Variants in CRYBB2 observed in about 807,000 individuals in gnomAD.
CRYBB2 encodes beta-crystallin B2.
A neutral mutation model predicts 24.3 loss-of-function variants in CRYBB2; 12 were observed. That is an observed-to-expected ratio of 0.49 (90% CI 0.32 to 0.80). The LOEUF is 0.80. Among genes scored for constraint, CRYBB2 ranks in the 30% least tolerant of loss-of-function variants. The pLI is 0.04. For synonymous variants in CRYBB2, 98 were observed against 101.6 expected, an observed-to-expected ratio of 0.96 and a Z score of 0.21; for missense variants, 198 against 268.5, an observed-to-expected ratio of 0.74 and a Z score of 1.83.
At chr22:25,218,807 A>AG (rs1935260853), upstream of CRYBB2, among the ~76,000 whole-genome samples, 6 of 132,404 alleles carry the variant, frequency 4.5e-5, no homozygotes, top group South Asian at 2.9e-4. Context: ...AGAAAGAAAG[A>AG]AAGAAAGAAA....
chr22:25,231,518 C>A (rs1601424628), intron 5 of CRYBB2, 86 bp from the exon 6 acceptor site: 4 of 1,315,396 alleles, frequency 3.0e-6, no homozygotes, highest in Non-Finnish European at 4.4e-6. Context: ...CTTATGGATG[C>A]TCTATCTCTC....
At chr22:25,218,838 G>GAAAGAAAGAAAGAAAGAAAGAGAA, upstream of CRYBB2, among the ~76,000 whole-genome samples, 1 of 98,076 alleles carries the variant, frequency 1.0e-5, no homozygotes, top group South Asian at 4.2e-4. Flanking sequence ...AAGAAAGAAA[G>GAAAGAAAGAAAGAAAGAAAGAGAA]AGAAAGAAAG....
At chr22:25,218,786 G>GAGAGAA (rs1935254530), upstream of CRYBB2, among the ~76,000 whole-genome samples, 1 of 67,770 alleles carries the variant, frequency 1.5e-5, no homozygotes, top group Non-Finnish European at 2.7e-5. Flanking sequence ...AGAGAAGAAA[G>GAGAGAA]AAAGAAAGAA....
upstream of CRYBB2, chr22:25,219,397 G>A (rs1935282666): frequency 6.6e-6 from 1 of 152,320 alleles, no homozygotes; most frequent in Non-Finnish European, 1.5e-5. Flanking sequence ...CCGGACGGCT[G>A]ATGCATGCAA....
At chr22:25,230,301 C>T (rs5752085) in intron 5 of CRYBB2, among the ~76,000 whole-genome samples, 69,090 of 142,490 alleles carry the variant, frequency 0.48, 18,733 homozygotes, top group African/African-American at 0.73. Context: ...GGATTACAGG[C>T]GCCCACCACC....
chr22:25,224,068 G>A, intron 2 of CRYBB2, among the ~76,000 whole-genome samples: 1 of 150,716 alleles, frequency 6.6e-6, no homozygotes, highest in Non-Finnish European at 1.5e-5. Context: ...AGCTTGCAGT[G>A]AGCCGAGATC....
At chr22:25,219,933 C>T (rs1234632475) in intron 1 of CRYBB2, among the ~76,000 whole-genome samples, 1 of 152,128 alleles carries the variant, frequency 6.6e-6, no homozygotes, top group African/African-American at 2.4e-5. Flanking sequence ...ATTAAACAGA[C>T]TATCAGCATC....
upstream of CRYBB2, among the ~76,000 whole-genome samples, chr22:25,218,856 GAAA>G (rs1355557890): frequency 2.1e-5 from 3 of 145,640 alleles, no homozygotes; most frequent in Admixed American, 2.1e-4. Context: ...AAGAAAGAAA[GAAA>G]AGAAAGAGAA....
upstream of CRYBB2, among the ~76,000 whole-genome samples, chr22:25,218,700 G>A (rs1051959248): frequency 1.2e-4 from 6 of 49,638 alleles, no homozygotes; most frequent in Non-Finnish European, 1.9e-4. Flanking sequence ...AAGAGAGAGA[G>A]AGAGGGGGAG....
chr22:25,213,419 A>G (rs1343871994), intron 1 of CRYBB2: 1 of 152,220 alleles, frequency 6.6e-6, no homozygotes, highest in South Asian at 2.1e-4. Context: ...ACAGCCCCCA[A>G]TTCTTGGTGG....
At chr22:25,220,336 A>C (rs1173761963) in intron 1 of CRYBB2, among the ~76,000 whole-genome samples, 1 of 152,240 alleles carries the variant, frequency 6.6e-6, no homozygotes, top group Admixed American at 6.5e-5. Context: ...TTTATAGAAC[A>C]GGAAGTTGAG....
upstream of CRYBB2, among the ~76,000 whole-genome samples, chr22:25,218,799 AAAG>A (rs1339629022): frequency 7.6e-5 from 9 of 118,938 alleles, 1 homozygote; most frequent in Non-Finnish European, 8.6e-5. Flanking sequence ...AGAAAGAAAG[AAAG>A]AAAGAAAGAA....
At chr22:25,219,999 A>C (rs181117873) in intron 1 of CRYBB2, among the ~76,000 whole-genome samples, 38 of 152,214 alleles carry the variant, frequency 2.5e-4, no homozygotes, top group African/African-American at 8.9e-4. Context: ...GCAAGAATCA[A>C]ACCAGTGACA....
upstream of CRYBB2, among the ~76,000 whole-genome samples, chr22:25,211,693 C>T (rs1935107744): frequency 4.6e-5 from 7 of 152,200 alleles, no homozygotes; most frequent in South Asian, 1.4e-3. Context: ...GGATTACAGG[C>T]ATGAGCCACT....
At chr22:25,228,215 C>T (rs1230777932) in intron 4 of CRYBB2, among the ~76,000 whole-genome samples, 1 of 147,376 alleles carries the variant, frequency 6.8e-6, no homozygotes, top group Non-Finnish European at 1.5e-5. Context: ...TATCTACTGT[C>T]CTGAGGTTCC....
At chr22:25,215,568 C>T (rs202233094), upstream of CRYBB2, among the ~76,000 whole-genome samples, 1 of 94,144 alleles carries the variant, frequency 1.1e-5, no homozygotes, top group Non-Finnish European at 2.4e-5. Flanking sequence ...TCTAGCGCCA[C>T]TGGTTAGGGT....
At chr22:25,215,479 G>A (rs1034918722), upstream of CRYBB2, among the ~76,000 whole-genome samples, 1 of 152,132 alleles carries the variant, frequency 6.6e-6, no homozygotes, top group African/African-American at 2.4e-5. Flanking sequence ...TCTGTTCGAG[G>A]CTCTCAGCTC....
upstream of CRYBB2, among the ~76,000 whole-genome samples, chr22:25,218,779 G>GAAAGAAAGAAAGA (rs376967033): frequency 1.7e-4 from 6 of 34,516 alleles, no homozygotes; most frequent in Non-Finnish European, 2.1e-4. Flanking sequence ...GAGAGAGAGA[G>GAAAGAAAGAAAGA]AAGAAAGAAA....
intron 1 of CRYBB2, among the ~76,000 whole-genome samples, chr22:25,220,892 G>C (rs1458409663): frequency 2.0e-5 from 3 of 152,140 alleles, no homozygotes; most frequent in African/African-American, 7.2e-5. Flanking sequence ...GAGAAATCTA[G>C]GTACCAGGAT....
Sources: gnomAD v4.1 joint callset for allele counts (sites outside exome capture counted in the v4.1 genomes callset) on GRCh38, gnomAD v4.1.1 for gene constraint, MANE v1.5 for transcripts, NCBI Gene and HGNC (gene_info 2026-07-23, HGNC 2026-07-21) for gene names.